The following PCDH9 variants were observed in gnomAD, a reference collection of about 807,000 sequenced individuals.
PCDH9 encodes the protein protocadherin 9, also known as protocadherin-9.
A neutral mutation model predicts 70.6 loss-of-function variants in PCDH9; 24 were observed. The observed-to-expected ratio is 0.34, with a 90% confidence interval of 0.25 to 0.48. The LOEUF is 0.48. PCDH9 is among the 20% of genes least tolerant of loss of function. PCDH9 has a pLI of 0.99. For synonymous variants in PCDH9, 562 were observed against 558.5 expected (o/e 1.01, Z -0.09); for missense variants, 1,281 against 1,503.6 (o/e 0.85, Z 2.45).
intron 3 of PCDH9, among the ~76,000 whole-genome samples, chr13:66,759,395 CTT>C (rs1206436666): frequency 6.6e-6 from 1 of 151,972 alleles, no homozygotes; most frequent in African/African-American, 2.4e-5. Flanking sequence ...CTGTGAGTCT[CTT>C]TTTGGCAGCA....
At chr13:66,376,022 C>T (rs957947285) in intron 4 of PCDH9, among the ~76,000 whole-genome samples, 1 of 152,136 alleles carries the variant, frequency 6.6e-6, no homozygotes, top group Non-Finnish European at 1.5e-5. Context: ...ATAACTGACT[C>T]CCATGAAGTT....
At chr13:66,990,391 T>C (rs1258743784) in intron 2 of PCDH9, among the ~76,000 whole-genome samples, 1 of 151,694 alleles carries the variant, frequency 6.6e-6, no homozygotes, top group Non-Finnish European at 1.5e-5. Flanking sequence ...ACATTTTTCA[T>C]ACTCTAAAAG....
rs1012241385 is a variant in PCDH9, at chr13:66,737,969, A to C, written c.3139-106558T>G. 8.5e-5 allele frequency among the ~76,000 whole-genome samples: 13 copies of C among 152,252 alleles called. No individual in the cohort carries two copies. In the South Asian group the frequency reaches 2.7e-3, roughly 32 times the overall value. ...TGCTTAGGTAAACAAAGCAGCCAGG[A>C]AGCTCGAACTGGGTGGAGCCCACCA... is the stretch of plus-strand genomic sequence containing the variant. On this transcript the variant is annotated intron_variant, in intron 3 of 4. Transcript: ENST00000377865.
chr13:66,773,998 G>A (rs2079851474), intron 3 of PCDH9, among the ~76,000 whole-genome samples: 1 of 151,874 alleles, frequency 6.6e-6, no homozygotes, highest in Non-Finnish European at 1.5e-5. Flanking sequence ...GGCTGGTCTT[G>A]AACTCCTGAC....
At chr13:66,680,808 TATAA>T (rs1259295182) in intron 3 of PCDH9, among the ~76,000 whole-genome samples, 10 of 152,002 alleles carry the variant, frequency 6.6e-5, no homozygotes, top group Non-Finnish European at 1.0e-4. Context: ...ATATGATTAA[TATAA>T]ATGTTATGTT....
At chr13:66,437,221 C>A (rs2138390667) in intron 4 of PCDH9, among the ~76,000 whole-genome samples, 1 of 151,608 alleles carries the variant, frequency 6.6e-6, no homozygotes, top group Non-Finnish European at 1.5e-5. Flanking sequence ...TCCTGGCTAA[C>A]ACGGTGAAAC....
At chr13:66,933,944 A>G (rs532231977) in intron 2 of PCDH9, among the ~76,000 whole-genome samples, 2 of 151,858 alleles carry the variant, frequency 1.3e-5, no homozygotes, top group African/African-American at 4.8e-5. Context: ...TTGAGTTCCA[A>G]CTAAAAGAAG....
At chr13:66,725,246 T>G (rs1445707078) in intron 3 of PCDH9, among the ~76,000 whole-genome samples, 1 of 152,228 alleles carries the variant, frequency 6.6e-6, no homozygotes, top group Non-Finnish European at 1.5e-5. Flanking sequence ...TTTTATTTAA[T>G]TATGCTATTT....
intron 2 of PCDH9, among the ~76,000 whole-genome samples, chr13:67,059,318 TAA>T (rs202043529): frequency 7.3e-6 from 1 of 136,844 alleles, no homozygotes; most frequent in Non-Finnish European, 1.6e-5. Flanking sequence ...GAGACAGGAG[TAA>T]AAAAAAAAAC....
At chr13:66,714,239 G>T (rs1234983187) in intron 3 of PCDH9, among the ~76,000 whole-genome samples, 2 of 152,090 alleles carry the variant, frequency 1.3e-5, no homozygotes, top group Admixed American at 1.3e-4. Context: ...GCTGAGGTGG[G>T]TGGATCACAA....
At chr13:66,692,349 GT>G (rs1293852342) in intron 3 of PCDH9, among the ~76,000 whole-genome samples, 7 of 151,970 alleles carry the variant, frequency 4.6e-5, no homozygotes, top group Non-Finnish European at 8.8e-5. Context: ...ATCATATTTG[GT>G]TTTGAAGACC....
intron 3 of PCDH9, among the ~76,000 whole-genome samples, chr13:66,849,798 C>T (rs1027448640): frequency 1.3e-5 from 2 of 152,066 alleles, no homozygotes; most frequent in Admixed American, 6.5e-5. Flanking sequence ...ATAGACGCTG[C>T]TTTTATCACC....
At chr13:67,128,309 A>G (rs2087028178) in intron 2 of PCDH9, among the ~76,000 whole-genome samples, 2 of 152,212 alleles carry the variant, frequency 1.3e-5, no homozygotes, top group Admixed American at 6.5e-5. Context: ...AGACATGTCA[A>G]TCAAAGATAA....
At chr13:66,573,727 A>T (rs111792822) in intron 4 of PCDH9, among the ~76,000 whole-genome samples, 56 of 148,038 alleles carry the variant, frequency 3.8e-4, no homozygotes, top group African/African-American at 1.3e-3. Flanking sequence ...TGTTGAGAGC[A>T]GTTGGGTTTT....
intron 2 of PCDH9, among the ~76,000 whole-genome samples, chr13:66,925,493 TG>T (rs2082703433): frequency 6.6e-6 from 1 of 151,944 alleles, no homozygotes; most frequent in Admixed American, 6.6e-5. Flanking sequence ...AATATAAAAG[TG>T]TGTTTTTCTC....
rs118016353 is a variant in PCDH9, at chr13:66,424,433, A to G, written c.3341-119405T>C. On this transcript the variant is annotated intron_variant, in intron 4 of 4. Coordinates refer to ENST00000377865, the MANE Select transcript of PCDH9 (RefSeq NM_203487.3). ...TTCCCTAGAGTTATTTAAACATGGT[A>G]TAGAGGACCATTTGGGAGAAGTATG... 3.5e-3 allele frequency among the ~76,000 whole-genome samples: 530 copies of G among 152,116 alleles called. 14 individuals carry two copies. In the East Asian group the frequency reaches 0.061, roughly 17 times the overall value.
chr13:66,380,428 G>A (rs1358872844), intron 4 of PCDH9, among the ~76,000 whole-genome samples: 1 of 151,350 alleles, frequency 6.6e-6, no homozygotes, highest in Non-Finnish European at 1.5e-5. Flanking sequence ...AACTTGTGAA[G>A]TGATAAGACA....
chr13:66,840,310 C>A (rs547709690), intron 3 of PCDH9, among the ~76,000 whole-genome samples: 9 of 152,212 alleles, frequency 5.9e-5, no homozygotes, highest in African/African-American at 2.2e-4. Flanking sequence ...GAGTTGTAAT[C>A]AGAATTAGAT....
chr13:66,760,596 CAT>C (rs2079609574), intron 3 of PCDH9, among the ~76,000 whole-genome samples: 1 of 152,142 alleles, frequency 6.6e-6, no homozygotes, highest in African/African-American at 2.4e-5. Flanking sequence ...GTTTGTAAAA[CAT>C]GTGTGTTTGA....
Sources: allele counts gnomAD v4.1 joint callset (sites outside exome capture counted in the v4.1 genomes callset), GRCh38; gene constraint gnomAD v4.1.1; transcripts MANE v1.5; gene names NCBI Gene and HGNC (gene_info 2026-07-23, HGNC 2026-07-21).